Variants in ESRRB observed in about 807,000 individuals in gnomAD.
ESRRB encodes the protein steroid hormone receptor ERR2.
In ESRRB, 16 loss-of-function variants were observed where a neutral mutation model predicts 46.0. The observed-to-expected ratio is 0.35, with a 90% CI of 0.24 to 0.53. The LOEUF (loss-of-function observed/expected upper bound fraction) is 0.53, where lower values mean the gene tolerates loss of function less well. ESRRB is among the 20% of genes least tolerant of loss of function. ESRRB has a pLI of 0.93. For missense variants in ESRRB, 488 were observed against 607.4 expected, an observed-to-expected ratio of 0.80 and a Z score of 2.07; for synonymous variants, 246 against 259.6, an observed-to-expected ratio of 0.95 and a Z score of 0.50.
intron 1 of ESRRB, among the ~76,000 whole-genome samples, chr14:76,435,647 G>T (rs2885229): frequency 0.49 from 74,097 of 152,014 alleles, 20,981 homozygotes; most frequent in African/African-American, 0.79. Flanking sequence ...CTGGCCAACA[G>T]GGTGAAACCC....
intron 1 of ESRRB, among the ~76,000 whole-genome samples, chr14:76,435,983 C>T (rs553034055): frequency 3.9e-5 from 6 of 152,304 alleles, no homozygotes; most frequent in Middle Eastern, 3.4e-3. Flanking sequence ...CCCGCACCAA[C>T]CCTGATAGAG....
At chr14:76,360,327 A>T (rs1346686573) in intron 1 of ESRRB, among the ~76,000 whole-genome samples, 3 of 152,050 alleles carry the variant, frequency 2.0e-5, no homozygotes, top group African/African-American at 7.2e-5. Context: ...CTCTCCATGA[A>T]CTCCAAGATA....
rs187397565 is a variant in ESRRB, at chr14:76,403,436, G to A, written c.50+26985G>A. 5.3e-5 allele frequency among the ~76,000 whole-genome samples: 8 copies of A among 152,322 alleles called. No individual in the cohort carries two copies. The East Asian group carries it at 1.4e-3, about 26-fold the overall frequency. On this transcript the variant is annotated intron_variant, in intron 1 of 6. Transcript: ENST00000644823. ...TTATCTGAAAGTCCTTAACTGATAG[G>A]ATGCCTTTTGATGGCAAAAGGGAAA... is the stretch of plus-strand genomic sequence containing the variant.
At chr14:76,452,685 T>C (rs1199870157) in intron 2 of ESRRB, among the ~76,000 whole-genome samples, 1 of 150,774 alleles carries the variant, frequency 6.6e-6, no homozygotes, top group Non-Finnish European at 1.5e-5. Flanking sequence ...ATTAAAAGGA[T>C]AGTGACTGGA....
intron 1 of ESRRB, among the ~76,000 whole-genome samples, chr14:76,391,413 A>G (rs1885464573): frequency 6.6e-6 from 1 of 152,180 alleles, no homozygotes; most frequent in Non-Finnish European, 1.5e-5. Context: ...CCCTTTTCCG[A>G]TGGCAAGTGC....
chr14:76,410,714 G>C (rs1886398532), intron 1 of ESRRB, among the ~76,000 whole-genome samples: 1 of 152,104 alleles, frequency 6.6e-6, no homozygotes, highest in African/African-American at 2.4e-5. Context: ...AAGAGAGGGG[G>C]CTGTTCAGAG....
chr14:76,418,393 T>C (rs748928661), intron 1 of ESRRB, among the ~76,000 whole-genome samples: 24 of 152,236 alleles, frequency 1.6e-4, no homozygotes, highest in Non-Finnish European at 3.2e-4. Context: ...CCATGATAGA[T>C]TTGTCACAAC....
chr14:76,433,399 C>T (rs557575559), intron 1 of ESRRB, among the ~76,000 whole-genome samples: 1 of 152,124 alleles, frequency 6.6e-6, no homozygotes, highest in Non-Finnish European at 1.5e-5. Context: ...AGCAGTAGGA[C>T]CGAGATTGCT....
intron 2 of ESRRB, among the ~76,000 whole-genome samples, chr14:76,455,256 A>G (rs10137350): frequency 0.061 from 9,297 of 152,240 alleles, 289 homozygotes; most frequent in South Asian, 0.08. Flanking sequence ...GAAGGATCAC[A>G]GTCACTGGCC....
chr14:76,443,695 A>T (rs2361288), intron 2 of ESRRB, among the ~76,000 whole-genome samples: 28,294 of 151,998 alleles, frequency 0.19, 2,678 homozygotes, highest in Middle Eastern at 0.24. Context: ...TTTGAATCAC[A>T]TTTTTTGAAA....
chr14:76,418,450 T>C (rs868798288), intron 1 of ESRRB, among the ~76,000 whole-genome samples: 8 of 152,186 alleles, frequency 5.3e-5, no homozygotes, highest in African/African-American at 1.9e-4. Flanking sequence ...CTCCATACTT[T>C]ATTGAGATTT....
At chr14:76,411,068 G>A (rs552030952) in intron 1 of ESRRB, among the ~76,000 whole-genome samples, 58 of 151,960 alleles carry the variant, frequency 3.8e-4, no homozygotes, top group Non-Finnish European at 7.1e-4. Context: ...ACAGGCAAGA[G>A]CCACCGCGCC....
At position 76,361,229 on chromosome 14, in the gene ESRRB, A is replaced by G. The variant is rs536734519; in HGVS notation, c.2+50313A>G. ...CCCAGTGGCCTGGCAGGTGGGGTCTACGACTCATGTGCTTATCCACCTGGA... is the reference window on the plus strand; with the variant it reads ...CCCAGTGGCCTGGCAGGTGGGGTCTGCGACTCATGTGCTTATCCACCTGGA... On this transcript the variant is annotated intron_variant, in intron 1 of 6. Coordinates refer to the ESRRB transcript ENST00000512784. Among the ~76,000 whole-genome samples the G allele has an allele frequency of 2.6e-4, 39 of 152,302 alleles. No individual in the cohort carries two copies. The South Asian group carries it at 8.1e-3, about 32-fold the overall frequency.
At chr14:76,355,168 G>C (rs375026136) in intron 1 of ESRRB, among the ~76,000 whole-genome samples, 35 of 152,304 alleles carry the variant, frequency 2.3e-4, no homozygotes, top group African/African-American at 8.2e-4. Context: ...GTCTGAAGCC[G>C]GGGCCAGGTG....
At chr14:76,489,231 C>A (rs1890125116) in intron 5 of ESRRB, among the ~76,000 whole-genome samples, 1 of 151,910 alleles carries the variant, frequency 6.6e-6, no homozygotes, top group African/African-American at 2.4e-5. Flanking sequence ...GCTTTTAGAC[C>A]CCCTCCCTAG....
At chr14:76,442,222 T>A (rs1365739749) in intron 2 of ESRRB, among the ~76,000 whole-genome samples, 1 of 152,156 alleles carries the variant, frequency 6.6e-6, no homozygotes, top group East Asian at 1.9e-4. Context: ...ACGCCTGTAA[T>A]CCCAGCATTT....
chr14:76,480,703 G>A (rs1889773615), intron 3 of ESRRB, among the ~76,000 whole-genome samples: 1 of 152,138 alleles, frequency 6.6e-6, no homozygotes, highest in Admixed American at 6.5e-5. Flanking sequence ...GACAAGGCTG[G>A]GACAGGAAGG....
At chr14:76,453,623 G>T (rs2139969085) in intron 2 of ESRRB, among the ~76,000 whole-genome samples, 1 of 143,760 alleles carries the variant, frequency 7.0e-6, no homozygotes, top group African/African-American at 2.8e-5. Flanking sequence ...TTTGAGACTG[G>T]GTCTCGCTCT....
At chr14:76,404,800 G>A (rs118173218) in intron 1 of ESRRB, among the ~76,000 whole-genome samples, 5,637 of 152,288 alleles carry the variant, frequency 0.037, 117 homozygotes, top group Non-Finnish European at 0.059. Flanking sequence ...CCTTAACTCA[G>A]AGATGATAAA....
Sources: allele counts gnomAD v4.1 joint callset (sites outside exome capture counted in the v4.1 genomes callset), GRCh38; gene constraint gnomAD v4.1.1; transcripts MANE v1.5; gene names NCBI Gene and HGNC (gene_info 2026-07-23, HGNC 2026-07-21).